Variants in MRPS18B observed in about 807,000 individuals in gnomAD.
MRPS18B encodes small ribosomal subunit protein mS40.
Under a neutral mutation model 28.4 loss-of-function variants are expected in MRPS18B, and 27 were observed. The ratio of observed to expected loss-of-function variants is 0.95; its 90% CI spans 0.70 to 1.31. The LOEUF (loss-of-function observed/expected upper bound fraction) is 1.31. Among genes scored for constraint, MRPS18B ranks in the 40% most tolerant of loss-of-function variants. MRPS18B has a pLI of 0.00. For synonymous variants in MRPS18B, 118 were observed against 123.7 expected (o/e 0.95, Z 0.30); for missense variants, 343 against 335.9 (o/e 1.02, Z -0.17).
rs150069771 is a variant in MRPS18B at position 30,625,341 on chromosome 6, C to T, written c.482-161C>T. Among the ~76,000 whole-genome samples, 647 of 152,358 alleles carry T rather than the reference C, an allele frequency of 4.2e-3. 3 individuals are homozygous for T. Among genetic ancestry groups the T allele is most frequent in the Middle Eastern group, 0.031 (9 of 294 alleles). On this transcript the variant is annotated intron_variant, in intron 6 of 6. Coordinates refer to ENST00000259873, the MANE Select transcript of MRPS18B (RefSeq NM_014046.4). ...CAAGAGCCCCAGCAGTATGTCAGCC[C>T]ACACTTGCCCTCTGGGCCGGTCACC... is the stretch of plus-strand genomic sequence containing the variant.
intron 1 of MRPS18B, chr6:30,618,748 A>G (rs1457657956): frequency 6.6e-6 from 1 of 152,158 alleles, no homozygotes; most frequent in Non-Finnish European, 1.5e-5. Flanking sequence ...TTTTATGAAA[A>G]TGGGCAACTC....
chr6:30,621,506 G>A (rs1250953271), intron 4 of MRPS18B, among the ~76,000 whole-genome samples: 1 of 152,236 alleles, frequency 6.6e-6, no homozygotes, highest in Non-Finnish European at 1.5e-5. Flanking sequence ...GAAGCTATAT[G>A]GCTGATCATC....
At chr6:30,623,812 G>A (rs1037759735) in intron 5 of MRPS18B, among the ~76,000 whole-genome samples, 2 of 150,486 alleles carry the variant, frequency 1.3e-5, no homozygotes, top group South Asian at 4.2e-4. Flanking sequence ...TTTCACTCTT[G>A]TTGCCCAGGC....
In MRPS18B at chr6:30,619,784, A is replaced by G. The variant is rs1348899955; in HGVS notation, c.263A>G (p.Gln88Arg). ...AACCACAAGGGTGGTGTACCCCCAC[A>G]GCGGACTCGGAAGACATGTATTGTG... is the stretch of plus-strand genomic sequence containing the variant. ...RRNHKGGVPP[Q>R]RTRKTCIRRN... The change falls in exon 3 of 7, where the codon CAG becomes CGG. Residue 88 changes from glutamine (Q) to arginine (R), a missense_variant. Coordinates refer to ENST00000259873, the MANE Select transcript of MRPS18B (RefSeq NM_014046.4). 6.8e-6 allele frequency: 11 copies of G among 1,614,126 alleles called. No homozygotes were observed. Among genetic ancestry groups the G allele is most frequent in the Non-Finnish European group, 9.3e-6 (11 of 1,180,038 alleles).
At position 30,622,819 on chromosome 6, in the gene MRPS18B, C is replaced by T. The variant is rs762508866; in HGVS notation, c.355-13C>T. 1 of 1,612,820 alleles carries T rather than the reference C, an allele frequency of 6.2e-7. No individual in the cohort carries two copies. Among genetic ancestry groups the T allele is most frequent in the East Asian group, 2.2e-5 (1 of 44,878 alleles). ...CTCTTTTCCTCACGTTTCTCTACCACTTTCCCCCACAGAACGTGAAGCTCT... is the reference window on the plus strand; with the variant it reads ...CTCTTTTCCTCACGTTTCTCTACCATTTTCCCCCACAGAACGTGAAGCTCT... On this transcript the variant is annotated splice_polypyrimidine_tract_variant and intron_variant, in intron 4 of 6. Coordinates refer to ENST00000259873, the MANE Select transcript of MRPS18B (RefSeq NM_014046.4).
intron 4 of MRPS18B, among the ~76,000 whole-genome samples, chr6:30,620,441 C>T (rs1263854091): frequency 2.0e-5 from 3 of 152,156 alleles, no homozygotes; most frequent in Non-Finnish European, 4.4e-5. Context: ...CCCTACAGTC[C>T]GTTTTATAGT....
chr6:30,622,894 C>T lies in MRPS18B; in HGVS notation c.417C>T (p.Tyr139=), dbSNP rs1230618650. The change falls in exon 5 of 7, where the codon TAC becomes TAT. Residue 139 remains tyrosine (Y), a synonymous_variant. Coordinates refer to ENST00000259873, the MANE Select transcript of MRPS18B (RefSeq NM_014046.4). ...CGGGTATCATCTTCTATGCTCCATA[C>T]ACAGGTTAGCCCATCATCCCTGCAC... ...AHTGIIFYAP[Y]TGVCVKQHKR... 4 of 1,612,826 alleles carry T rather than the reference C, an allele frequency of 2.5e-6. No individual in the cohort carries two copies. The highest frequency in any genetic ancestry group is 3.3e-5 in the Admixed American group (2 of 59,992).
intron 4 of MRPS18B, among the ~76,000 whole-genome samples, chr6:30,622,597 C>T (rs1023593325): frequency 1.3e-5 from 2 of 149,606 alleles, no homozygotes; most frequent in Non-Finnish European, 3.0e-5. Context: ...AGAACTTAAC[C>T]TCTGCATAAG....
intron 4 of MRPS18B, 171 bp downstream of exon 4, chr6:30,620,160 A>G (rs1761059982): frequency 1.6e-6 from 1 of 628,208 alleles, no homozygotes; most frequent in Non-Finnish European, 2.8e-6. Flanking sequence ...TACTAAAAAT[A>G]CAAAAAATTA....
chr6:30,622,851 A>C lies in MRPS18B; in HGVS notation c.374A>C (p.Gln125Pro). 1 of 1,613,054 alleles carries C rather than the reference A, an allele frequency of 6.2e-7. No homozygotes were observed. Among genetic ancestry groups the C allele is most frequent in the Non-Finnish European group, 8.5e-7 (1 of 1,180,040 alleles). ...CCACAGAACGTGAAGCTCTTGGAGC[A>C]ATTTGTCTGCGCCCACACGGGTATC... is the stretch of plus-strand genomic sequence containing the variant. ...VDFRNVKLLEQFVCAHTGIIF... is the reference protein window; with the variant it reads ...VDFRNVKLLEPFVCAHTGIIF... Residue 125 changes from glutamine to proline, a missense_variant, in exon 5 of 7, where the codon CAA (glutamine) becomes CCA (proline). Physicochemically the swap from Gln to Pro is moderately conservative, Grantham distance 76. Transcript: ENST00000259873.
At chr6:30,618,738 T>G (rs781065618) in intron 1 of MRPS18B, 10 of 152,232 alleles carry the variant, frequency 6.6e-5, no homozygotes, top group Non-Finnish European at 1.2e-4. Context: ...GACCTTCAGC[T>G]TTTATGAAAA....
At position 30,625,568 on chromosome 6, in the gene MRPS18B, C is replaced by A. The variant is rs1408425343; in HGVS notation, c.548C>A (p.Ala183Asp). The change falls in exon 7 of 7, where the codon GCT becomes GAT. Residue 183 changes from alanine (A) to aspartate (D), a missense_variant. Coordinates refer to ENST00000259873, the MANE Select transcript of MRPS18B (RefSeq NM_014046.4). ...RDLDFSTSHG[A>D]VSATPPAPTL... ...CTTGACTTCAGTACCTCTCATGGGG[C>A]TGTGAGTGCTACTCCGCCAGCCCCC... The A allele has an allele frequency of 6.2e-7, 1 of 1,608,354 alleles. No homozygotes were observed. Among genetic ancestry groups the A allele is most frequent in the Non-Finnish European group, 8.5e-7 (1 of 1,176,130 alleles).
chr6:30,623,704 A>G (rs564101566), intron 5 of MRPS18B, among the ~76,000 whole-genome samples: 159 of 152,330 alleles, frequency 1.0e-3, no homozygotes, highest in African/African-American at 3.3e-3. Flanking sequence ...AATATTTACT[A>G]TATGACTCTA....
rs372687363 is a variant in MRPS18B, at chr6:30,625,591, C to G, written c.571C>G (p.Pro191Ala). The change falls in exon 7 of 7, where the codon CCC (proline) becomes GCC (alanine). Residue 191 changes from proline (P) to alanine (A), a missense_variant. Transcript: ENST00000259873. ...GGCTGTGAGTGCTACTCCGCCAGCC[C>G]CCACCCTGGTCTCAGGTGACCCCTG... is the stretch of plus-strand genomic sequence containing the variant. ...HGAVSATPPAPTLVSGDPWYP... is the reference protein window; with the variant it reads ...HGAVSATPPAATLVSGDPWYP... The G allele has an allele frequency of 1.2e-6, 2 of 1,611,912 alleles. No individual in the cohort carries two copies. Among genetic ancestry groups the G allele is most frequent in the Admixed American group, 1.7e-5 (1 of 59,978 alleles).
intron 1 of MRPS18B, 129 bp from the exon 2 acceptor site, chr6:30,619,364 T>G (rs1760984370): frequency 1.5e-6 from 1 of 679,312 alleles, no homozygotes. Flanking sequence ...ATACTTAACT[T>G]ACATATGCAT....
In MRPS18B at chr6:30,617,931, T is replaced by A; in HGVS notation, c.66T>A (p.Ser22=). Reference sequence around the variant, plus strand: ...CTATGCTATCTCTCTTCCGAGGTTCTCACAGAGTTCAGGTAACTCTTCGAA... The same window carrying A: ...CTATGCTATCTCTCTTCCGAGGTTCACACAGAGTTCAGGTAACTCTTCGAA... ...RLPMLSLFRG[S]HRVQVPLQTL... The change falls in exon 1 of 7, where the codon TCT becomes TCA. Residue 22 remains serine (S), a synonymous_variant. Coordinates refer to ENST00000259873, the MANE Select transcript of MRPS18B (RefSeq NM_014046.4). 6.2e-7 allele frequency: 1 copy of A among 1,614,240 alleles called. No homozygotes were observed.
intron 4 of MRPS18B, among the ~76,000 whole-genome samples, chr6:30,621,887 C>T (rs961929417): frequency 6.6e-6 from 1 of 152,146 alleles, no homozygotes. Context: ...ATGGAGGTTA[C>T]AGTGAACCAA....
In MRPS18B at chr6:30,624,428, G is replaced by T. The variant is rs2252845; in HGVS notation, c.422-455G>T. Among the ~76,000 whole-genome samples, 1,133 of 152,206 alleles carry T rather than the reference G, an allele frequency of 7.4e-3. 9 individuals are homozygous for T. Among genetic ancestry groups the T allele is most frequent in the African/African-American group, 9.8e-3 (408 of 41,524 alleles). ...GAATAATCTGAATTCACCATTGTTG[G>T]GGGTGGCAGTACAATCAGTGTTCAG... On this transcript the variant is annotated intron_variant, in intron 5 of 6. Transcript: ENST00000259873.
chr6:30,622,777 C>G lies in MRPS18B; in HGVS notation c.355-55C>G, dbSNP rs140943020. The G allele has an allele frequency of 1.9e-5, 30 of 1,547,792 alleles. No individual in the cohort carries two copies. In the African/African-American group the frequency reaches 4.1e-4, roughly 21 times the overall value. ...TTGTGTACTTTCGATGTCCAAAGAT[C>G]CTGCTGCTCTCCCTGCCTCTTTTCC... On this transcript the variant is annotated intron_variant, in intron 4 of 6. Transcript: ENST00000259873.
Sources: gnomAD v4.1 joint callset for allele counts (sites outside exome capture counted in the v4.1 genomes callset) on GRCh38, gnomAD v4.1.1 for gene constraint, MANE v1.5 for transcripts, NCBI Gene and HGNC (gene_info 2026-07-23, HGNC 2026-07-21) for gene names.